The following SNTG1 variants were observed in gnomAD, a reference collection of about 807,000 sequenced individuals.
SNTG1 encodes gamma-1-syntrophin.
A neutral mutation model predicts 74.7 loss-of-function variants in SNTG1; 39 were observed. The observed-to-expected ratio is 0.52, with a 90% CI of 0.40 to 0.68. SNTG1 has a LOEUF of 0.68. SNTG1 is among the 30% of genes least tolerant of loss of function. SNTG1 has a pLI of 0.00. For missense variants in SNTG1, 685 were observed against 609.5 expected, an observed-to-expected ratio of 1.12 and a Z score of -1.30; for synonymous variants, 254 against 217.1, an observed-to-expected ratio of 1.17 and a Z score of -1.49.
rs577193477 is a variant in SNTG1, at chr8:50,418,091, G to A, written c.162+15747G>A. 9.9e-5 allele frequency among the ~76,000 whole-genome samples: 15 copies of A among 152,084 alleles called. No individual in the cohort carries two copies. The South Asian group carries it at 1.0e-3, about 11-fold the overall frequency. ...ATAAAACCAAACTCTCTCTTGGCCC[G>A]AAATTCTCCTCCAGCATCCACTGCA... On this transcript the variant is annotated intron_variant, in intron 4 of 18. Transcript: ENST00000642720.
chr8:50,502,682 G>A, intron 8 of SNTG1, 96 bp from the exon 9 acceptor site: 1 of 953,124 alleles, frequency 1.0e-6, no homozygotes, highest in East Asian at 2.6e-5. Context: ...AGGGAAAAAT[G>A]GAAGGTGGAA....
intron 13 of SNTG1, among the ~76,000 whole-genome samples, chr8:50,591,837 A>C (rs1034436617): frequency 6.6e-6 from 1 of 152,184 alleles, no homozygotes; most frequent in African/African-American, 2.4e-5. Context: ...TCCTACCTTA[A>C]GTCCCTCTGC....
At chr8:50,284,129 T>C (rs1362520705) in intron 2 of SNTG1, among the ~76,000 whole-genome samples, 1 of 152,078 alleles carries the variant, frequency 6.6e-6, no homozygotes, top group East Asian at 1.9e-4. Context: ...ACCTTAACAT[T>C]TGAGGAATAC....
At chr8:50,185,173 T>C (rs1039528015) in intron 2 of SNTG1, among the ~76,000 whole-genome samples, 1 of 152,186 alleles carries the variant, frequency 6.6e-6, no homozygotes, top group East Asian at 1.9e-4. Flanking sequence ...CAGGTGAAGA[T>C]AATTGAATCA....
At chr8:50,402,137 A>T in intron 3 of SNTG1, 73 bp from the exon 4 acceptor site, 2 of 1,483,074 alleles carry the variant, frequency 1.3e-6, no homozygotes, top group East Asian at 4.6e-5. Flanking sequence ...TTTTGCTGTA[A>T]ACTGGCCACA....
chr8:50,517,616 C>CAAAAAAA (rs1161724778), intron 9 of SNTG1, among the ~76,000 whole-genome samples: 22 of 62,344 alleles, frequency 3.5e-4, no homozygotes, highest in Middle Eastern at 0.012. Flanking sequence ...AAATGGAAAG[C>CAAAAAAA]AAAAAAAAAA....
intron 1 of SNTG1, among the ~76,000 whole-genome samples, chr8:49,944,169 A>G (rs1808947528): frequency 6.6e-6 from 1 of 152,100 alleles, no homozygotes; most frequent in Non-Finnish European, 1.5e-5. Flanking sequence ...AGTCTTTGAA[A>G]GGTCCCAATT....
intron 8 of SNTG1, among the ~76,000 whole-genome samples, chr8:50,484,102 C>CTT (rs1323657665): frequency 2.8e-3 from 309 of 110,872 alleles, no homozygotes; most frequent in Non-Finnish European, 4.5e-3. Context: ...CTTTCTTTCT[C>CTT]TCTTTCTTTC....
intron 18 of SNTG1, among the ~76,000 whole-genome samples, chr8:50,782,921 A>G (rs969048659): frequency 5.9e-5 from 9 of 152,176 alleles, no homozygotes; most frequent in Non-Finnish European, 7.3e-5. Flanking sequence ...TCCTTCTAAC[A>G]GACAGGATCC....
intron 2 of SNTG1, among the ~76,000 whole-genome samples, chr8:50,292,569 G>A (rs551614372): frequency 6.6e-6 from 1 of 152,250 alleles, no homozygotes; most frequent in South Asian, 2.1e-4. Flanking sequence ...GGATGACTGT[G>A]TCTGGCGCCC....
At chr8:50,046,210 ATAAG>A (rs1423441815) in intron 1 of SNTG1, among the ~76,000 whole-genome samples, 1 of 152,200 alleles carries the variant, frequency 6.6e-6, no homozygotes, top group African/African-American at 2.4e-5. Flanking sequence ...GCTACAGGCC[ATAAG>A]TAATAGGTGA....
intron 18 of SNTG1, among the ~76,000 whole-genome samples, chr8:50,763,991 A>G (rs959300729): frequency 1.3e-5 from 2 of 151,088 alleles, no homozygotes; most frequent in Non-Finnish European, 3.0e-5. Context: ...ACACTGACCA[A>G]TGAAACAAAA....
chr8:50,542,921 C>A (rs1197621129), intron 11 of SNTG1, among the ~76,000 whole-genome samples: 1 of 152,132 alleles, frequency 6.6e-6, no homozygotes, highest in Non-Finnish European at 1.5e-5. Context: ...ATCTTCTGCC[C>A]ATTTTTAAGT....
At chr8:50,093,960 TAGAC>T (rs1370575456) in intron 1 of SNTG1, among the ~76,000 whole-genome samples, 3 of 152,168 alleles carry the variant, frequency 2.0e-5, no homozygotes, top group Admixed American at 6.6e-5. Context: ...TTACTTGAGA[TAGAC>T]AGAACAAAGA....
chr8:50,484,828 C>T (rs578250767), intron 8 of SNTG1, among the ~76,000 whole-genome samples: 1 of 150,044 alleles, frequency 6.7e-6, no homozygotes, highest in South Asian at 2.1e-4. Flanking sequence ...TGTCACACTC[C>T]AACCTGGGCA....
At chr8:50,377,841 G>A (rs1367282345) in intron 2 of SNTG1, among the ~76,000 whole-genome samples, 1 of 152,142 alleles carries the variant, frequency 6.6e-6, no homozygotes, top group Non-Finnish European at 1.5e-5. Context: ...TGTTCCTCAG[G>A]GGTGAACAGA....
At chr8:50,316,020 A>T (rs75261529) in intron 2 of SNTG1, among the ~76,000 whole-genome samples, 19,430 of 152,208 alleles carry the variant, frequency 0.13, 1,286 homozygotes, top group Middle Eastern at 0.16. Flanking sequence ...GTTGCTTTTC[A>T]AGAAACCAAC....
At position 50,443,056 on chromosome 8, in the gene SNTG1, T is replaced by G. The variant is rs1420378904; in HGVS notation, c.219+4457T>G. 2.0e-5 allele frequency among the ~76,000 whole-genome samples: 3 copies of G among 152,182 alleles called. 1 individual carries two copies. The highest frequency in any genetic ancestry group is 7.2e-5 in the African/African-American group (3 of 41,434). On this transcript the variant is annotated intron_variant, in intron 5 of 18. Transcript: ENST00000642720. ...GCATTTATATAAATAACTTTAATAG[T>G]TTCCTCAACTACATCTGCAGAAATC...
intron 1 of SNTG1, among the ~76,000 whole-genome samples, chr8:50,013,512 T>A (rs1053077591): frequency 6.0e-5 from 9 of 151,104 alleles, no homozygotes; most frequent in Middle Eastern, 3.4e-3. Flanking sequence ...GATAGAGATA[T>A]ATATGTATGT....
Sources: gnomAD v4.1 joint callset for allele counts (sites outside exome capture counted in the v4.1 genomes callset) on GRCh38, gnomAD v4.1.1 for gene constraint, MANE v1.5 for transcripts, NCBI Gene and HGNC (gene_info 2026-07-23, HGNC 2026-07-21) for gene names.